Variants in LYPLAL1 observed in about 807,000 individuals in gnomAD.
LYPLAL1 encodes the protein lysophospholipase-like protein 1.
LYPLAL1 carries 23 observed loss-of-function variants against 19.7 expected under a neutral mutation model. The ratio of observed to expected loss-of-function variants is 1.17; its 90% CI spans 0.84 to 1.65. The LOEUF is 1.65. Ranked by LOEUF, LYPLAL1 falls within the 40% of genes most tolerant of loss-of-function variation. LYPLAL1 has a pLI of 0.00. For synonymous variants in LYPLAL1, 119 were observed against 96.3 expected, an observed-to-expected ratio of 1.24 and a Z score of -1.38; for missense variants, 355 against 279.4, an observed-to-expected ratio of 1.27 and a Z score of -1.93.
the LYPLAL1 span, among the ~76,000 whole-genome samples, chr1:219,402,753 C>T: frequency 6.6e-6 from 1 of 151,348 alleles, no homozygotes; most frequent in Non-Finnish European, 1.5e-5. Context: ...CACATAAATA[C>T]ATATTAATTC....
chr1:219,228,394 G>T, the LYPLAL1 span, among the ~76,000 whole-genome samples: 2 of 152,116 alleles, frequency 1.3e-5, no homozygotes, highest in East Asian at 1.9e-4. Context: ...GAAAAAAAAA[G>T]TTGGAAAGTG....
chr1:219,418,030 G>A, the LYPLAL1 span, among the ~76,000 whole-genome samples: 2 of 152,128 alleles, frequency 1.3e-5, no homozygotes, highest in African/African-American at 4.8e-5. Context: ...AATTGCAGCT[G>A]ACAAAACAAG....
At chr1:219,342,949 A>T in the LYPLAL1 span, among the ~76,000 whole-genome samples, 1 of 152,200 alleles carries the variant, frequency 6.6e-6, no homozygotes, top group Non-Finnish European at 1.5e-5. Flanking sequence ...TTTAATTAAT[A>T]GATTGTTTAT....
chr1:219,397,876 C>T, the LYPLAL1 span, among the ~76,000 whole-genome samples: 29,990 of 152,122 alleles, frequency 0.2, 3,513 homozygotes, highest in Admixed American at 0.31. Context: ...TTGCATATTG[C>T]TCCCCAGTCT....
At chr1:219,193,774 G>A (rs572488327) in intron 3 of LYPLAL1, among the ~76,000 whole-genome samples, 1 of 151,740 alleles carries the variant, frequency 6.6e-6, no homozygotes, top group Admixed American at 6.6e-5. Context: ...ACCTTTTTCT[G>A]TTTCTGGACT....
At chr1:219,351,058 A>T in the LYPLAL1 span, among the ~76,000 whole-genome samples, 3 of 152,160 alleles carry the variant, frequency 2.0e-5, no homozygotes, top group Admixed American at 6.5e-5. Context: ...CTCTGCTGTG[A>T]CTACCTAAAG....
At chr1:219,278,445 G>A in the LYPLAL1 span, among the ~76,000 whole-genome samples, 1 of 152,178 alleles carries the variant, frequency 6.6e-6, no homozygotes, top group Non-Finnish European at 1.5e-5. Flanking sequence ...AGATTACAAT[G>A]TATGTCCGGT....
chr1:219,440,214 G>A, the LYPLAL1 span, among the ~76,000 whole-genome samples: 1 of 151,634 alleles, frequency 6.6e-6, no homozygotes, highest in African/African-American at 2.4e-5. Flanking sequence ...ATGTAACGTA[G>A]ATTAGATTAA....
the LYPLAL1 span, among the ~76,000 whole-genome samples, chr1:219,359,900 C>T: frequency 9.1e-4 from 139 of 152,272 alleles, 1 homozygote; most frequent in African/African-American, 3.2e-3. Flanking sequence ...GGCATGACAT[C>T]CGGTTATATA....
chr1:219,308,734 G>A, the LYPLAL1 span, among the ~76,000 whole-genome samples: 1 of 152,214 alleles, frequency 6.6e-6, no homozygotes, highest in Non-Finnish European at 1.5e-5. Flanking sequence ...CTAGATTTCA[G>A]AAGATGTATG....
the LYPLAL1 span, among the ~76,000 whole-genome samples, chr1:219,392,143 C>T: frequency 2.0e-5 from 3 of 152,116 alleles, no homozygotes; most frequent in Non-Finnish European, 4.4e-5. Context: ...CCCCAAGAGT[C>T]GTGAGTAGGT....
At chr1:219,289,023 T>C in the LYPLAL1 span, among the ~76,000 whole-genome samples, 16 of 151,984 alleles carry the variant, frequency 1.1e-4, no homozygotes, top group East Asian at 2.7e-3. Flanking sequence ...CATAGGCTCC[T>C]TTCCTTCTAG....
the LYPLAL1 span, among the ~76,000 whole-genome samples, chr1:219,259,263 T>C: frequency 6.6e-6 from 1 of 151,896 alleles, no homozygotes; most frequent in Non-Finnish European, 1.5e-5. Context: ...CTACTGAGTA[T>C]CTACCCTGAG....
chr1:219,374,133 T>TG, the LYPLAL1 span, among the ~76,000 whole-genome samples: 4,242 of 150,724 alleles, frequency 0.028, 77 homozygotes, highest in South Asian at 0.053. Context: ...TGGTTTTGTG[T>TG]GGATTTTTTT....
chr1:219,259,441 C>T, the LYPLAL1 span, among the ~76,000 whole-genome samples: 45 of 145,786 alleles, frequency 3.1e-4, no homozygotes, highest in African/African-American at 1.0e-3. Context: ...GTATATATAC[C>T]ATGGAATACT....
chr1:219,292,911 C>T, the LYPLAL1 span, among the ~76,000 whole-genome samples: 1 of 152,162 alleles, frequency 6.6e-6, no homozygotes, highest in Non-Finnish European at 1.5e-5. Context: ...TTCTTACCAA[C>T]AGCAATTACC....
At chr1:219,235,954 G>A in the LYPLAL1 span, among the ~76,000 whole-genome samples, 1 of 152,116 alleles carries the variant, frequency 6.6e-6, no homozygotes, top group Non-Finnish European at 1.5e-5. Context: ...GCTTAAATAA[G>A]CATTAGCAGC....
chr1:219,193,501 C>T, intron 3 of LYPLAL1: 1 of 236,446 alleles, frequency 4.2e-6, no homozygotes, highest in Non-Finnish European at 8.2e-6. Flanking sequence ...AATTTTTCTT[C>T]TAGTTTAATT....
chr1:219,414,549 G>A, the LYPLAL1 span, among the ~76,000 whole-genome samples: 1 of 152,158 alleles, frequency 6.6e-6, no homozygotes, highest in Admixed American at 6.5e-5. Context: ...TGATCAATAA[G>A]TCAGCTATTT....
Sources: gnomAD v4.1 joint callset for allele counts (sites outside exome capture counted in the v4.1 genomes callset) on GRCh38, gnomAD v4.1.1 for gene constraint, MANE v1.5 for transcripts, NCBI Gene and HGNC (gene_info 2026-07-23, HGNC 2026-07-21) for gene names.